POU6F2: variants seen among roughly 807,000 people sequenced by gnomAD.
POU6F2 encodes the protein POU domain, class 6, transcription factor 2.
Under a neutral mutation model 71.3 loss-of-function variants are expected in POU6F2, and 31 were observed. That is an observed-to-expected ratio of 0.43 (90% CI 0.33 to 0.59). The LOEUF (loss-of-function observed/expected upper bound fraction) is 0.59. Ranked by LOEUF, POU6F2 falls within the 20% of genes least tolerant of loss-of-function variation. POU6F2 has a pLI of 0.04. For synonymous variants in POU6F2, 347 were observed against 355.7 expected (o/e 0.98, Z 0.27); for missense variants, 783 against 856.8 (o/e 0.91, Z 1.07).
chr7:39,316,318 C>G (rs1785267256), intron 4 of POU6F2, among the ~76,000 whole-genome samples: 1 of 152,056 alleles, frequency 6.6e-6, no homozygotes, highest in African/African-American at 2.4e-5. Flanking sequence ...TTTTGATTTC[C>G]TTTTTTAACT....
At chr7:39,013,725 CCTTT>C (rs1789394323) in intron 1 of POU6F2, among the ~76,000 whole-genome samples, 1 of 152,274 alleles carries the variant, frequency 6.6e-6, no homozygotes, top group African/African-American at 2.4e-5. Context: ...ATGGTCCCTT[CCTTT>C]CTATTAACGG....
intron 2 of POU6F2, among the ~76,000 whole-genome samples, chr7:39,128,322 A>G (rs1312885606): frequency 1.3e-5 from 2 of 152,132 alleles, no homozygotes; most frequent in Non-Finnish European, 2.9e-5. Context: ...ACATTTCTGA[A>G]CTCTGCTAAA....
At chr7:39,421,775 G>A (rs1385954668) in intron 6 of POU6F2, among the ~76,000 whole-genome samples, 2 of 152,020 alleles carry the variant, frequency 1.3e-5, no homozygotes, top group Non-Finnish European at 2.9e-5. Flanking sequence ...ACATTTCATA[G>A]GTCTAATGGT....
chr7:39,330,734 G>T (rs572646313), intron 4 of POU6F2, among the ~76,000 whole-genome samples: 2 of 152,254 alleles, frequency 1.3e-5, no homozygotes, highest in African/African-American at 2.4e-5. Flanking sequence ...GTACATATTT[G>T]TGGGTTACCA....
At chr7:39,016,864 C>A (rs529449826) in intron 1 of POU6F2, among the ~76,000 whole-genome samples, 29 of 152,240 alleles carry the variant, frequency 1.9e-4, no homozygotes, top group Admixed American at 3.9e-4. Context: ...TTGAAGAAGG[C>A]CGACAGCCAC....
At chr7:39,078,078 C>T (rs1262405125) in intron 1 of POU6F2, among the ~76,000 whole-genome samples, 23 of 152,188 alleles carry the variant, frequency 1.5e-4, no homozygotes, top group African/African-American at 4.3e-4. Context: ...TTTGCTACAT[C>T]GTCCTCAAAG....
chr7:39,165,864 A>G (rs908299608), intron 2 of POU6F2, among the ~76,000 whole-genome samples: 14 of 152,378 alleles, frequency 9.2e-5, no homozygotes, highest in African/African-American at 2.9e-4. Flanking sequence ...GACCAGCCAC[A>G]CATGAGTAAA....
intron 2 of POU6F2, among the ~76,000 whole-genome samples, chr7:39,093,839 A>G (rs1430622844): frequency 6.6e-6 from 1 of 152,092 alleles, no homozygotes; most frequent in Non-Finnish European, 1.5e-5. Flanking sequence ...CAGTGAAAAA[A>G]GTGTAATGCT....
At chr7:39,297,701 A>G (rs1175974934) in intron 4 of POU6F2, among the ~76,000 whole-genome samples, 3 of 152,154 alleles carry the variant, frequency 2.0e-5, no homozygotes, top group African/African-American at 7.2e-5. Context: ...AGTGTAGTCA[A>G]ATTAAACTAT....
intron 4 of POU6F2, among the ~76,000 whole-genome samples, chr7:39,215,391 C>T (rs1046756654): frequency 6.6e-6 from 1 of 151,972 alleles, no homozygotes; most frequent in Non-Finnish European, 1.5e-5. Context: ...AGAGCAAAAT[C>T]TTTTTAATAG....
At chr7:39,127,478 C>T (rs1359899033) in intron 2 of POU6F2, among the ~76,000 whole-genome samples, 2 of 152,078 alleles carry the variant, frequency 1.3e-5, no homozygotes, top group Admixed American at 1.3e-4. Context: ...AAAAGACAAG[C>T]AAGATCTTTT....
chr7:39,101,288 G>A (rs981020278), intron 2 of POU6F2, among the ~76,000 whole-genome samples: 4 of 151,914 alleles, frequency 2.6e-5, no homozygotes, highest in Non-Finnish European at 4.4e-5. Context: ...TGGCCAGGCT[G>A]GTCTCAAACT....
chr7:39,221,165 A>G (rs1434648087), intron 4 of POU6F2, among the ~76,000 whole-genome samples: 2 of 152,100 alleles, frequency 1.3e-5, no homozygotes, highest in Non-Finnish European at 2.9e-5. Flanking sequence ...GGATCTGCCT[A>G]TACAAATGGC....
At chr7:39,364,483 C>T (rs1248741709) in intron 5 of POU6F2, among the ~76,000 whole-genome samples, 1 of 152,146 alleles carries the variant, frequency 6.6e-6, no homozygotes, top group Non-Finnish European at 1.5e-5. Context: ...ATCCTCATAG[C>T]TTAGCTTCCA....
At chr7:39,217,163 T>C (rs1794260965) in intron 4 of POU6F2, among the ~76,000 whole-genome samples, 1 of 152,172 alleles carries the variant, frequency 6.6e-6, no homozygotes, top group Non-Finnish European at 1.5e-5. Context: ...CTAACCACCT[T>C]CTTTAAAAAA....
At chr7:39,443,369 G>A (rs766291476) in intron 7 of POU6F2, among the ~76,000 whole-genome samples, 4 of 152,198 alleles carry the variant, frequency 2.6e-5, no homozygotes, top group Non-Finnish European at 5.9e-5. Flanking sequence ...GAGAGAACAC[G>A]TGAGCGCAGC....
chr7:39,164,744 T>C (rs1793076154), intron 2 of POU6F2, among the ~76,000 whole-genome samples: 1 of 151,860 alleles, frequency 6.6e-6, no homozygotes, highest in Non-Finnish European at 1.5e-5. Context: ...GGAATGAAGA[T>C]GAGAAGGAGA....
At chr7:39,006,216 C>G (rs909728973) in intron 1 of POU6F2, among the ~76,000 whole-genome samples, 1 of 152,136 alleles carries the variant, frequency 6.6e-6, no homozygotes, top group Admixed American at 6.5e-5. Context: ...GTAATCCCAG[C>G]ACTTTGGGAG....
intron 4 of POU6F2, among the ~76,000 whole-genome samples, chr7:39,217,094 C>A (rs1309111699): frequency 2.0e-5 from 3 of 152,132 alleles, no homozygotes. Flanking sequence ...AAGGCCATAT[C>A]CACAACATAA....
Sources: allele counts gnomAD v4.1 joint callset (sites outside exome capture counted in the v4.1 genomes callset), GRCh38; gene constraint gnomAD v4.1.1; transcripts MANE v1.5; gene names NCBI Gene and HGNC (gene_info 2026-07-23, HGNC 2026-07-21).